The following LSAMP variants were observed in gnomAD, a reference collection of about 807,000 sequenced individuals.
LSAMP encodes limbic system associated membrane protein.
In LSAMP, 7 loss-of-function variants were observed where a neutral mutation model predicts 38.6. That is an observed-to-expected ratio of 0.18 (90% CI 0.10 to 0.34). LSAMP has a LOEUF of 0.34. LSAMP is among the 10% of genes least tolerant of loss of function. LSAMP has a pLI of 1.00. For missense variants in LSAMP, 313 were observed against 420.0 expected (o/e 0.75, Z 2.23); for synonymous variants, 154 against 166.8 (o/e 0.92, Z 0.59).
At chr3:116,333,659 TTAAA>T (rs1419826098) in intron 1 of LSAMP, among the ~76,000 whole-genome samples, 2 of 151,848 alleles carry the variant, frequency 1.3e-5, no homozygotes, top group South Asian at 2.1e-4. Context: ...TAACACACTC[TTAAA>T]TAATCAATAG....
At chr3:116,140,698 T>C (rs1709350015) in intron 1 of LSAMP, among the ~76,000 whole-genome samples, 1 of 151,956 alleles carries the variant, frequency 6.6e-6, no homozygotes, top group Admixed American at 6.6e-5. Context: ...AGTAATCAAT[T>C]CACAGCACAC....
At chr3:115,985,476 C>T (rs1299605009) in intron 3 of LSAMP, among the ~76,000 whole-genome samples, 2 of 152,304 alleles carry the variant, frequency 1.3e-5, no homozygotes, top group African/African-American at 4.8e-5. Context: ...TATTGGCTGC[C>T]TGTGGAAAAC....
At chr3:116,420,962 A>G (rs901686701) in intron 1 of LSAMP, among the ~76,000 whole-genome samples, 2 of 152,244 alleles carry the variant, frequency 1.3e-5, no homozygotes, top group African/African-American at 4.8e-5. Flanking sequence ...GTGGTGCTGG[A>G]CTAATTAGAT....
intron 1 of LSAMP, among the ~76,000 whole-genome samples, chr3:116,357,045 G>A (rs181129930): frequency 2.6e-5 from 4 of 152,146 alleles, no homozygotes; most frequent in Non-Finnish European, 4.4e-5. Flanking sequence ...CACCCGCCTC[G>A]GCCTCCCAAA....
intron 2 of LSAMP, among the ~76,000 whole-genome samples, chr3:116,044,938 G>A (rs1941257801): frequency 6.6e-6 from 1 of 151,778 alleles, no homozygotes; most frequent in African/African-American, 2.4e-5. Flanking sequence ...TTCCAGAATG[G>A]AAAGAAAGAA....
intron 1 of LSAMP, among the ~76,000 whole-genome samples, chr3:116,372,835 G>A (rs2048446346): frequency 6.7e-6 from 1 of 149,804 alleles, no homozygotes; most frequent in Non-Finnish European, 1.5e-5. Context: ...TACAGTAGAT[G>A]CCATCTCACA....
chr3:116,254,712 T>A (rs1412369681), intron 1 of LSAMP, among the ~76,000 whole-genome samples: 1 of 152,198 alleles, frequency 6.6e-6, no homozygotes, highest in Non-Finnish European at 1.5e-5. Flanking sequence ...ACCATCTGTT[T>A]AGTGATTTGA....
At chr3:116,421,846 G>A (rs957510165) in intron 1 of LSAMP, among the ~76,000 whole-genome samples, 12 of 152,204 alleles carry the variant, frequency 7.9e-5, no homozygotes, top group Admixed American at 6.5e-4. Flanking sequence ...CTAAAATGGT[G>A]TAGTTATTTT....
intron 3 of LSAMP, among the ~76,000 whole-genome samples, chr3:115,984,608 T>A (rs1343105947): frequency 6.6e-6 from 1 of 152,226 alleles, no homozygotes; most frequent in Non-Finnish European, 1.5e-5. Flanking sequence ...TTAAACCGTA[T>A]ACTAATTAGT....
chr3:115,885,722 C>A (rs558395920), intron 3 of LSAMP, among the ~76,000 whole-genome samples: 146 of 151,658 alleles, frequency 9.6e-4, no homozygotes, highest in Non-Finnish European at 1.8e-3. Context: ...TCTTATCAAT[C>A]GGAATACTGG....
At chr3:116,384,871 C>T (rs1221965012) in intron 1 of LSAMP, among the ~76,000 whole-genome samples, 2 of 152,056 alleles carry the variant, frequency 1.3e-5, no homozygotes, top group Non-Finnish European at 2.9e-5. Flanking sequence ...CATGGATAAC[C>T]AGGGCAAAGC....
chr3:115,988,330 C>A (rs1256002032), intron 3 of LSAMP, among the ~76,000 whole-genome samples: 2 of 152,106 alleles, frequency 1.3e-5, no homozygotes, highest in Non-Finnish European at 2.9e-5. Context: ...CACACAGAAG[C>A]AAGCATGCCT....
At chr3:115,953,978 A>C (rs1203034981) in intron 3 of LSAMP, among the ~76,000 whole-genome samples, 1 of 152,190 alleles carries the variant, frequency 6.6e-6, no homozygotes, top group African/African-American at 2.4e-5. Context: ...TAGCTAAAGC[A>C]AATGCCCCTG....
chr3:116,169,918 T>C (rs537133732), intron 1 of LSAMP, among the ~76,000 whole-genome samples: 1 of 152,282 alleles, frequency 6.6e-6, no homozygotes, highest in African/African-American at 2.4e-5. Context: ...GAGAAAGGCC[T>C]GTGACTCTTG....
intron 3 of LSAMP, among the ~76,000 whole-genome samples, chr3:115,958,437 A>G (rs1938523152): frequency 6.6e-6 from 1 of 152,200 alleles, no homozygotes; most frequent in Non-Finnish European, 1.5e-5. Context: ...TAAACGTTTC[A>G]AAGATGCTTG....
intron 1 of LSAMP, among the ~76,000 whole-genome samples, chr3:116,211,269 T>G (rs2046152730): frequency 6.6e-6 from 1 of 152,160 alleles, no homozygotes; most frequent in Admixed American, 6.5e-5. Context: ...AGATACCTAT[T>G]TTATAATATG....
At chr3:116,381,497 T>C (rs1360371569) in intron 1 of LSAMP, among the ~76,000 whole-genome samples, 1 of 152,094 alleles carries the variant, frequency 6.6e-6, no homozygotes, top group Non-Finnish European at 1.5e-5. Context: ...TAAAATATTT[T>C]TTTCCAGGGG....
chr3:116,178,464 G>A (rs1361263385), intron 1 of LSAMP, among the ~76,000 whole-genome samples: 3 of 152,262 alleles, frequency 2.0e-5, no homozygotes, highest in South Asian at 4.1e-4. Flanking sequence ...CACCACGCCC[G>A]GCCAAAAGAG....
intron 1 of LSAMP, among the ~76,000 whole-genome samples, chr3:116,300,259 A>G (rs1230089819): frequency 1.3e-5 from 2 of 152,246 alleles, no homozygotes; most frequent in Admixed American, 1.3e-4. Context: ...ATCGTGCTGC[A>G]TCCCCTTGCT....
Sources: allele counts gnomAD v4.1 joint callset (sites outside exome capture counted in the v4.1 genomes callset), GRCh38; gene constraint gnomAD v4.1.1; transcripts MANE v1.5; gene names NCBI Gene and HGNC (gene_info 2026-07-23, HGNC 2026-07-21).